GLYATL2: variants seen among roughly 807,000 people sequenced by gnomAD.
GLYATL2 encodes the protein glycine N-acyltransferase-like protein 2.
Under a neutral mutation model 21.4 loss-of-function variants are expected in GLYATL2, and 25 were observed. The observed-to-expected ratio is 1.17, with a 90% confidence interval of 0.85 to 1.63. GLYATL2 has a LOEUF of 1.63. Ranked by LOEUF, GLYATL2 falls within the 40% of genes most tolerant of loss-of-function variation. The pLI is 0.00. For missense variants in GLYATL2, 361 were observed against 343.3 expected, an observed-to-expected ratio of 1.05 and a Z score of -0.41; for synonymous variants, 114 against 118.2, an observed-to-expected ratio of 0.96 and a Z score of 0.23.
At chr11:58,849,940 A>G (rs1310292227) in intron 1 of GLYATL2, among the ~76,000 whole-genome samples, 2 of 152,324 alleles carry the variant, frequency 1.3e-5, no homozygotes, top group Middle Eastern at 3.4e-3. Flanking sequence ...TATAATTAAA[A>G]AAAGATAAAC....
chr11:58,872,385 C>G (rs959169936), intron 1 of GLYATL2, among the ~76,000 whole-genome samples: 1 of 152,188 alleles, frequency 6.6e-6, no homozygotes, highest in Non-Finnish European at 1.5e-5. Context: ...ATGGTATTCC[C>G]TAGGTTTTCT....
intron 1 of GLYATL2, among the ~76,000 whole-genome samples, chr11:58,894,476 C>CAAAAAAAAAA (rs1554980634): frequency 1.8e-4 from 21 of 116,540 alleles, no homozygotes; most frequent in South Asian, 5.7e-4. Flanking sequence ...GCAGCTATAG[C>CAAAAAAAAAA]AAAAAAAAAA....
At chr11:58,859,652 G>A (rs646483) in intron 1 of GLYATL2, among the ~76,000 whole-genome samples, 135,015 of 152,154 alleles carry the variant, frequency 0.89, 61,061 homozygotes, top group Non-Finnish European at 0.98. Context: ...TTTGGCCTTC[G>A]TTATCTGTGC....
chr11:58,856,758 C>T (rs1853835310), intron 1 of GLYATL2, among the ~76,000 whole-genome samples: 1 of 152,094 alleles, frequency 6.6e-6, no homozygotes, highest in South Asian at 2.1e-4. Flanking sequence ...TGTGGTGCTC[C>T]AGAACAGCTA....
chr11:58,900,226 A>G (rs1182069056), intron 1 of GLYATL2, among the ~76,000 whole-genome samples: 1 of 152,208 alleles, frequency 6.6e-6, no homozygotes, highest in African/African-American at 2.4e-5. Context: ...GATTCGCAGG[A>G]CATGCATGCA....
intron 1 of GLYATL2, among the ~76,000 whole-genome samples, chr11:58,870,275 A>G (rs1854095153): frequency 6.6e-6 from 1 of 152,180 alleles, no homozygotes. Context: ...GTCTAATGAT[A>G]AAACAGAATG....
intron 1 of GLYATL2, among the ~76,000 whole-genome samples, chr11:58,877,786 A>G (rs1854263945): frequency 6.6e-6 from 1 of 152,238 alleles, no homozygotes; most frequent in African/African-American, 2.4e-5. Context: ...AATTGGAGAT[A>G]GCATGTATAG....
chr11:58,886,893 C>T (rs1272755746), intron 1 of GLYATL2, among the ~76,000 whole-genome samples: 1 of 152,072 alleles, frequency 6.6e-6, no homozygotes, highest in Non-Finnish European at 1.5e-5. Flanking sequence ...ACAAAATGAC[C>T]CTAGCTTGAG....
chr11:58,898,332 T>G (rs956117423), intron 1 of GLYATL2, among the ~76,000 whole-genome samples: 1 of 152,202 alleles, frequency 6.6e-6, no homozygotes, highest in Non-Finnish European at 1.5e-5. Flanking sequence ...TTCCAGATGG[T>G]CAGAATTTCC....
At chr11:58,898,480 C>T (rs112111524) in intron 1 of GLYATL2, among the ~76,000 whole-genome samples, 2 of 71,244 alleles carry the variant, frequency 2.8e-5, no homozygotes, top group Admixed American at 3.7e-4. Flanking sequence ...CTATTGTTTC[C>T]TCTTTTTTTT....
At chr11:58,857,922 A>C (rs564213919) in intron 1 of GLYATL2, among the ~76,000 whole-genome samples, 76 of 151,758 alleles carry the variant, frequency 5.0e-4, no homozygotes, top group African/African-American at 1.8e-3. Flanking sequence ...AACAAGCAAA[A>C]CAAACAAACA....
chr11:58,887,517 C>G (rs1854464464), intron 1 of GLYATL2, among the ~76,000 whole-genome samples: 1 of 152,052 alleles, frequency 6.6e-6, no homozygotes, highest in Admixed American at 6.6e-5. Flanking sequence ...CTCTCCTCCC[C>G]CTCCTCTCCT....
intron 1 of GLYATL2, chr11:58,878,303 G>A (rs1056274919): frequency 7.9e-6 from 4 of 507,936 alleles, no homozygotes; most frequent in African/African-American, 6.1e-5. Flanking sequence ...AGTATCCCCA[G>A]GAGCGCTAAG....
In GLYATL2 at chr11:58,839,546, C is replaced by G. The variant is rs1457579841; in HGVS notation, c.67G>C (p.Glu23Gln). 1 of 1,608,386 alleles carries G rather than the reference C, an allele frequency of 6.2e-7. No homozygotes were observed. Among genetic ancestry groups the G allele is most frequent in the African/African-American group, 1.3e-5 (1 of 74,918 alleles). ...TCCTACTCCGTTACCTTTATGGATT[C>G]AGGGATGCTCTTTTCTAAGGATTTA... ...LYKSLEKSIP[E>Q]SIKVYGAIFN... Residue 23 changes from glutamate to glutamine, a missense_variant, in exon 2 of 6, where the codon GAA (glutamate) becomes CAA (glutamine). Transcript: ENST00000287275.
upstream of GLYATL2, among the ~76,000 whole-genome samples, chr11:58,908,799 A>G (rs565362147): frequency 6.6e-6 from 1 of 152,352 alleles, no homozygotes; most frequent in South Asian, 2.1e-4. Context: ...AAAATCATGG[A>G]AAGTACACAC....
At chr11:58,895,026 C>T (rs944167646) in intron 1 of GLYATL2, among the ~76,000 whole-genome samples, 4 of 152,150 alleles carry the variant, frequency 2.6e-5, no homozygotes, top group East Asian at 1.9e-4. Flanking sequence ...AATGGTGCCT[C>T]GGGCAGGTCC....
chr11:58,907,485 T>C (rs1854928860), upstream of GLYATL2: 2 of 408,374 alleles, frequency 4.9e-6, no homozygotes, highest in South Asian at 3.6e-5. Flanking sequence ...TTTTGTTTGT[T>C]TTGTTTTGTT....
chr11:58,845,755 C>A (rs1405491633), upstream of GLYATL2, among the ~76,000 whole-genome samples: 1 of 152,150 alleles, frequency 6.6e-6, no homozygotes, highest in Non-Finnish European at 1.5e-5. Flanking sequence ...ACAAAACTAA[C>A]CAGTGGCAAT....
intron 1 of GLYATL2, among the ~76,000 whole-genome samples, chr11:58,852,675 G>C (rs2134588111): frequency 6.6e-6 from 1 of 152,316 alleles, no homozygotes; most frequent in Admixed American, 6.5e-5. Context: ...GAGATGTACA[G>C]ACAAATATTC....
Sources: gnomAD v4.1 joint callset for allele counts (sites outside exome capture counted in the v4.1 genomes callset) on GRCh38, gnomAD v4.1.1 for gene constraint, MANE v1.5 for transcripts, NCBI Gene and HGNC (gene_info 2026-07-23, HGNC 2026-07-21) for gene names.